The following COL8A1 variants were observed in gnomAD, a reference collection of about 807,000 sequenced individuals.
COL8A1 encodes collagen alpha-1(VIII) chain.
Under a neutral mutation model 42.7 loss-of-function variants are expected in COL8A1, and 21 were observed. The ratio of observed to expected loss-of-function variants is 0.49; its 90% CI spans 0.35 to 0.71. The LOEUF (loss-of-function observed/expected upper bound fraction) is 0.71, where lower values mean the gene tolerates loss of function less well. Among genes scored for constraint, COL8A1 ranks in the 30% least tolerant of loss-of-function variants. COL8A1 has a pLI of 0.01. For synonymous variants in COL8A1, 367 were observed against 369.1 expected (o/e 0.99, Z 0.06); for missense variants, 788 against 962.4 (o/e 0.82, Z 2.40).
At chr3:99,768,962 A>G (rs550141464) in intron 2 of COL8A1, among the ~76,000 whole-genome samples, 1 of 152,352 alleles carries the variant, frequency 6.6e-6, no homozygotes, top group East Asian at 1.9e-4. Context: ...CTTGCATTTC[A>G]GAAGAGGGTT....
chr3:99,671,418 T>C (rs957863301), intron 1 of COL8A1, among the ~76,000 whole-genome samples: 2 of 152,152 alleles, frequency 1.3e-5, no homozygotes, highest in Admixed American at 6.6e-5. Flanking sequence ...TAACATACAT[T>C]GTGGAATAAC....
intron 1 of COL8A1, among the ~76,000 whole-genome samples, chr3:99,702,666 C>T (rs1939574307): frequency 6.6e-6 from 1 of 152,156 alleles, no homozygotes; most frequent in African/African-American, 2.4e-5. Flanking sequence ...TCAATTCATT[C>T]ATTTATCCAA....
chr3:99,749,670 T>C (rs1294093200), intron 2 of COL8A1, among the ~76,000 whole-genome samples: 1 of 152,058 alleles, frequency 6.6e-6, no homozygotes, highest in African/African-American at 2.4e-5. Context: ...TTTGTTAAAA[T>C]TTACCTATTG....
At chr3:99,746,287 T>C (rs1324319497) in intron 2 of COL8A1, among the ~76,000 whole-genome samples, 1 of 152,186 alleles carries the variant, frequency 6.6e-6, no homozygotes, top group Non-Finnish European at 1.5e-5. Context: ...GAAATATTTA[T>C]AATGCAAACC....
rs112684469 is a variant in COL8A1, at chr3:99,654,013, G to A, written c.-129+15349G>A. ...CCCAAAACCTCAAAAGTAGGGAGGC[G>A]GACAGTGCAGCCTTCAGTCTGTGGC... On this transcript the variant is annotated intron_variant, in intron 1 of 3. Transcript: ENST00000652472. Among the ~76,000 whole-genome samples, 14 of 152,232 alleles carry A rather than the reference G, an allele frequency of 9.2e-5. 1 individual carries two copies. The highest frequency in any genetic ancestry group is 1.6e-4 in the Non-Finnish European group (11 of 68,012).
chr3:99,726,500 G>C (rs1226847992), intron 1 of COL8A1, among the ~76,000 whole-genome samples: 1 of 151,502 alleles, frequency 6.6e-6, no homozygotes, highest in African/African-American at 2.4e-5. Context: ...CCTATGTCCT[G>C]AATGGTATTG....
intron 2 of COL8A1, among the ~76,000 whole-genome samples, chr3:99,768,910 A>G (rs1466103422): frequency 1.3e-5 from 2 of 152,194 alleles, no homozygotes; most frequent in African/African-American, 4.8e-5. Flanking sequence ...TAGGTTATTC[A>G]TGTGTGTGAG....
At position 99,796,267 on chromosome 3, in the gene COL8A1, T is replaced by C. The variant is rs1942106956; in HGVS notation, c.*131T>C. On this transcript the variant is annotated 3_prime_UTR_variant, in exon 4 of 4. Coordinates refer to ENST00000652472, the MANE Select transcript of COL8A1 (RefSeq NM_020351.4). ...TTGGAAAGTTATATGTAAGTGAAAA[T>C]TTGGACCATTGTGTACAAATAAAAA... The C allele has an allele frequency of 1.4e-6, 1 of 733,020 alleles. No individual in the cohort carries two copies. Among genetic ancestry groups the C allele is most frequent in the Non-Finnish European group, 2.1e-6 (1 of 481,748 alleles). 45.4% of individuals were successfully genotyped at this position (733,020 alleles called of 1,614,324 possible).
intron 1 of COL8A1, among the ~76,000 whole-genome samples, chr3:99,727,951 C>A (rs1412797026): frequency 1.3e-5 from 2 of 151,144 alleles, no homozygotes; most frequent in African/African-American, 4.9e-5. Flanking sequence ...ACCCTTCATG[C>A]TAAAAACTCT....
chr3:99,727,993 A>C (rs1218182013), intron 1 of COL8A1, among the ~76,000 whole-genome samples: 3 of 149,714 alleles, frequency 2.0e-5, no homozygotes, highest in African/African-American at 7.5e-5. Flanking sequence ...GACATATTTC[A>C]AAATAATAAG....
chr3:99,648,354 G>T (rs138060832), intron 1 of COL8A1, among the ~76,000 whole-genome samples: 31 of 152,240 alleles, frequency 2.0e-4, no homozygotes, highest in South Asian at 8.3e-4. Flanking sequence ...CTATGACAAC[G>T]CCTCTGACTC....
chr3:99,794,228 A>C lies in COL8A1; in HGVS notation c.329-2A>C. 1 of 1,554,896 alleles carries C rather than the reference A, an allele frequency of 6.4e-7. No homozygotes were observed. Among genetic ancestry groups the C allele is most frequent in the Non-Finnish European group, 8.7e-7 (1 of 1,151,654 alleles). On this transcript the variant is annotated splice_acceptor_variant, in intron 3 of 3. Coordinates refer to ENST00000652472, the MANE Select transcript of COL8A1 (RefSeq NM_020351.4). LOFTEE classifies it high-confidence loss of function. The surrounding 1 kb of genome is among the most constrained non-coding windows in gnomAD (Gnocchi z 4.3). ...CCCTTCTCTCTCTTCTCTTCCCAGT[A>C]GAAATACCATTAGCCAGTTTACGAG...
At chr3:99,711,898 C>T (rs1403011510) in intron 1 of COL8A1, among the ~76,000 whole-genome samples, 1 of 152,046 alleles carries the variant, frequency 6.6e-6, no homozygotes, top group Admixed American at 6.6e-5. Flanking sequence ...GTCTATCAAA[C>T]CAAGGCTGGT....
rs372792565 is a variant in COL8A1, at chr3:99,738,180, A to G, written c.-128-6717A>G. Among the ~76,000 whole-genome samples the G allele has an allele frequency of 6.6e-5, 10 of 152,244 alleles. No homozygotes were observed. The East Asian group carries it at 1.7e-3, about 27-fold the overall frequency. ...TTGCCTTTGGTTTGAATGTCCTCCC[A>G]TAGCTCAGAGTAATTTGATCATCTG... is the stretch of plus-strand genomic sequence containing the variant. On this transcript the variant is annotated intron_variant, in intron 1 of 3. Coordinates refer to ENST00000652472, the MANE Select transcript of COL8A1 (RefSeq NM_020351.4).
chr3:99,772,305 G>A (rs970128447), intron 2 of COL8A1, among the ~76,000 whole-genome samples: 1 of 152,170 alleles, frequency 6.6e-6, no homozygotes, highest in Admixed American at 6.5e-5. Context: ...TTCAGCGGTT[G>A]GGGAGGGTGA....
At chr3:99,748,326 G>T (rs1249078029) in intron 2 of COL8A1, among the ~76,000 whole-genome samples, 1 of 152,132 alleles carries the variant, frequency 6.6e-6, no homozygotes, top group Non-Finnish European at 1.5e-5. Context: ...ATGAAATGTG[G>T]CTAGTCCCAA....
chr3:99,720,261 G>C (rs1342588736), intron 1 of COL8A1, among the ~76,000 whole-genome samples: 3 of 152,104 alleles, frequency 2.0e-5, no homozygotes, highest in Non-Finnish European at 4.4e-5. Context: ...CAAAGAAGGA[G>C]AGTTAACTTT....
At chr3:99,700,069 A>G (rs983828141) in intron 1 of COL8A1, among the ~76,000 whole-genome samples, 4 of 152,150 alleles carry the variant, frequency 2.6e-5, no homozygotes, top group African/African-American at 7.2e-5. Flanking sequence ...GTCGGTCTGG[A>G]CTGAGACCGG....
chr3:99,704,346 A>G (rs1357281067), intron 1 of COL8A1, among the ~76,000 whole-genome samples: 1 of 152,200 alleles, frequency 6.6e-6, no homozygotes, highest in African/African-American at 2.4e-5. Flanking sequence ...TACTACACGT[A>G]GGATTTTCCT....
Sources: allele counts gnomAD v4.1 joint callset (sites outside exome capture counted in the v4.1 genomes callset), GRCh38; gene constraint gnomAD v4.1.1; non-coding constraint Gnocchi (gnomAD v3.1); transcripts MANE v1.5; gene names NCBI Gene and HGNC (gene_info 2026-07-23, HGNC 2026-07-21).